The following FHIT variants were observed in gnomAD, a reference collection of about 807,000 sequenced individuals.
FHIT encodes the protein fragile histidine triad diadenosine triphosphatase, also known as bis(5'-adenosyl)-triphosphatase.
Under a neutral mutation model 17.9 loss-of-function variants are expected in FHIT, and 19 were observed. The ratio of observed to expected loss-of-function variants is 1.06; its 90% CI spans 0.74 to 1.56. The LOEUF (loss-of-function observed/expected upper bound fraction) is 1.56, where lower values mean the gene tolerates loss of function less well. FHIT is among the 40% of genes most tolerant of loss of function. The pLI is 0.00. For synonymous variants in FHIT, 81 were observed against 69.7 expected (o/e 1.16, Z -0.81); for missense variants, 248 against 189.2 (o/e 1.31, Z -1.82).
intron 8 of FHIT, among the ~76,000 whole-genome samples, chr3:59,832,875 ATGT>A (rs1701213195): frequency 6.6e-6 from 1 of 152,210 alleles, no homozygotes; most frequent in Non-Finnish European, 1.5e-5. Context: ...GAATCAAGAA[ATGT>A]TGTAAAAGTA....
rs150843545 is a variant in FHIT, at chr3:60,464,849, T to C, written c.103+72011A>G. On this transcript the variant is annotated intron_variant, in intron 5 of 9. Coordinates refer to ENST00000492590, the MANE Select transcript of FHIT (RefSeq NM_002012.4). The stretch of plus-strand genomic sequence containing the variant: ...GGGTACAGATAGCTCTTCAATACAC[T>C]GATTTCCTTTCTTTTGGGTATATAC... Among the ~76,000 whole-genome samples the C allele has an allele frequency of 6.9e-3, 1,053 of 152,266 alleles. 5 individuals are homozygous for C. Among genetic ancestry groups the C allele is most frequent in the Non-Finnish European group, 0.012 (783 of 68,008 alleles).
intron 5 of FHIT, among the ~76,000 whole-genome samples, chr3:60,531,368 T>G (rs1241587366): frequency 7.2e-6 from 1 of 138,752 alleles, no homozygotes; most frequent in African/African-American, 2.7e-5. Context: ...AAGCTCCGCC[T>G]CCCGGGTTCA....
At position 60,431,780 on chromosome 3, in the gene FHIT, C is replaced by T. The variant is rs141266349; in HGVS notation, c.103+105080G>A. ...AACACCCCCTTCTGGTGAGCACTTA[C>T]AGACTCTCTCATGTCCAGCTCAGAG... On this transcript the variant is annotated intron_variant, in intron 5 of 9. Coordinates refer to ENST00000492590, the MANE Select transcript of FHIT (RefSeq NM_002012.4). Among the ~76,000 whole-genome samples the T allele has an allele frequency of 2.9e-3, 445 of 152,160 alleles. 4 individuals are homozygous for T. The highest frequency in any genetic ancestry group is 0.01 in the African/African-American group (431 of 41,536).
At chr3:60,672,874 CGTGTGTGTGTGTGT>C (rs71629109) in intron 4 of FHIT, among the ~76,000 whole-genome samples, 1 of 139,478 alleles carries the variant, frequency 7.2e-6, no homozygotes, top group African/African-American at 2.7e-5. Context: ...CTCTTTGTAG[CGTGTGTGTGTGTGT>C]GTGTGTGTGT....
chr3:60,844,148 T>C (rs1280211003), intron 3 of FHIT, among the ~76,000 whole-genome samples: 9 of 152,184 alleles, frequency 5.9e-5, no homozygotes, highest in African/African-American at 1.9e-4. Context: ...AGGCATACTA[T>C]AGTGTTTAGT....
chr3:61,113,456 G>T (rs2036216347), intron 2 of FHIT, among the ~76,000 whole-genome samples: 3 of 152,102 alleles, frequency 2.0e-5, no homozygotes, highest in Non-Finnish European at 4.4e-5. Flanking sequence ...ACTAAATAAA[G>T]TTGTGTCTAT....
At chr3:60,586,451 A>G (rs2037909830) in intron 4 of FHIT, among the ~76,000 whole-genome samples, 1 of 152,034 alleles carries the variant, frequency 6.6e-6, no homozygotes, top group Admixed American at 6.6e-5. Flanking sequence ...CAAAGAGGTA[A>G]AAACAGAACT....
chr3:60,992,917 T>C (rs927309650), intron 3 of FHIT, among the ~76,000 whole-genome samples: 2 of 152,164 alleles, frequency 1.3e-5, no homozygotes, highest in Non-Finnish European at 2.9e-5. Context: ...TCAGAGGGCT[T>C]CCAGCATAAG....
At chr3:60,954,838 A>C (rs1421299279) in intron 3 of FHIT, among the ~76,000 whole-genome samples, 1 of 152,202 alleles carries the variant, frequency 6.6e-6, no homozygotes, top group African/African-American at 2.4e-5. Flanking sequence ...CAAGGCAGAC[A>C]TCCATAACTG....
Position 60,197,818 on chromosome 3 carries a change from T to C in FHIT, c.104-183666A>G, listed in dbSNP as rs912904228. Among the ~76,000 whole-genome samples the C allele has an allele frequency of 4.5e-4, 68 of 152,206 alleles. 2 individuals carry two copies. Among genetic ancestry groups the C allele is most frequent in the Admixed American group, 4.6e-4 (7 of 15,286 alleles). ...GCACAAACCTACCCACTACTATCCA[T>C]AACTAGCTGGTTCTGGCCTTTTGAA... is the stretch of plus-strand genomic sequence containing the variant. On this transcript the variant is annotated intron_variant, in intron 5 of 9. Transcript: ENST00000492590.
At chr3:61,004,313 G>T (rs2031298543) in intron 3 of FHIT, among the ~76,000 whole-genome samples, 1 of 152,114 alleles carries the variant, frequency 6.6e-6, no homozygotes, top group Non-Finnish European at 1.5e-5. Flanking sequence ...TAAAGTGTTT[G>T]CCCAGTGTAC....
At chr3:60,533,789 C>T (rs2035875412) in intron 5 of FHIT, among the ~76,000 whole-genome samples, 1 of 152,154 alleles carries the variant, frequency 6.6e-6, no homozygotes. Context: ...TCCTTAAAAA[C>T]TATTCTAAGG....
At chr3:60,019,312 A>G (rs1404888743) in intron 5 of FHIT, among the ~76,000 whole-genome samples, 1 of 152,044 alleles carries the variant, frequency 6.6e-6, no homozygotes, top group African/African-American at 2.4e-5. Flanking sequence ...AGGGATATGG[A>G]CACTAGGAAG....
intron 8 of FHIT, among the ~76,000 whole-genome samples, chr3:59,866,680 A>C (rs1195435298): frequency 1.3e-5 from 2 of 152,170 alleles, no homozygotes; most frequent in African/African-American, 4.8e-5. Flanking sequence ...GAAATCACTA[A>C]CCAGAATTTG....
chr3:60,141,724 G>A (rs1576189738), intron 5 of FHIT, among the ~76,000 whole-genome samples: 1 of 152,152 alleles, frequency 6.6e-6, no homozygotes. Context: ...TTGGAATTGT[G>A]CTGATTTATC....
intron 4 of FHIT, among the ~76,000 whole-genome samples, chr3:60,572,034 T>G (rs1028831416): frequency 1.3e-4 from 19 of 151,984 alleles, no homozygotes; most frequent in East Asian, 1.9e-4. Context: ...TTCTTTTTTT[T>G]GGGGGGGAAG....
intron 8 of FHIT, among the ~76,000 whole-genome samples, chr3:59,900,606 A>T (rs6446087): frequency 0.25 from 37,378 of 151,824 alleles, 8,080 homozygotes; most frequent in African/African-American, 0.59. Context: ...TAGGCCACAT[A>T]TGTTTGGTTG....
At chr3:60,121,058 T>C (rs1377867145) in intron 5 of FHIT, among the ~76,000 whole-genome samples, 3 of 152,128 alleles carry the variant, frequency 2.0e-5, no homozygotes, top group Non-Finnish European at 4.4e-5. Flanking sequence ...AATCATGAAA[T>C]CTTCTTGTGA....
At chr3:61,032,524 T>A (rs936380518) in intron 3 of FHIT, among the ~76,000 whole-genome samples, 3 of 152,094 alleles carry the variant, frequency 2.0e-5, no homozygotes, top group Non-Finnish European at 2.9e-5. Flanking sequence ...GCATTCTTCA[T>A]CCCACCTCAT....
Sources: gnomAD v4.1 joint callset for allele counts (sites outside exome capture counted in the v4.1 genomes callset) on GRCh38, gnomAD v4.1.1 for gene constraint, MANE v1.5 for transcripts, NCBI Gene and HGNC (gene_info 2026-07-23, HGNC 2026-07-21) for gene names.